Variants in CMSS1 observed in about 807,000 individuals in gnomAD.
CMSS1 encodes the protein protein CMSS1.
A neutral mutation model predicts 43.5 loss-of-function variants in CMSS1; 33 were observed. The ratio of observed to expected loss-of-function variants is 0.76; its 90% CI spans 0.57 to 1.01. The LOEUF (loss-of-function observed/expected upper bound fraction) is 1.01. CMSS1 is among the 50% of genes least tolerant of loss of function. CMSS1 has a pLI of 0.00. For synonymous variants in CMSS1, 115 were observed against 117.2 expected (o/e 0.98, Z 0.12); for missense variants, 313 against 326.4 (o/e 0.96, Z 0.32).
At chr3:100,117,856 T>C (rs13085023) in intron 1 of CMSS1, among the ~76,000 whole-genome samples, 2,041 of 56,846 alleles carry the variant, frequency 0.036, 111 homozygotes, top group Admixed American at 0.069. Context: ...TATATATACA[T>C]ATATATATAT....
At chr3:99,926,916 C>T (rs1193376784) in intron 1 of CMSS1, among the ~76,000 whole-genome samples, 1 of 152,196 alleles carries the variant, frequency 6.6e-6, no homozygotes, top group Non-Finnish European at 1.5e-5. Flanking sequence ...CTCCCTTCCT[C>T]TAGCCTTACC....
At chr3:99,886,443 A>G (rs1283441294) in intron 1 of CMSS1, among the ~76,000 whole-genome samples, 2 of 152,018 alleles carry the variant, frequency 1.3e-5, no homozygotes, top group African/African-American at 2.4e-5. Flanking sequence ...AAAAAATCTC[A>G]TGTTTTAAGA....
At chr3:99,823,543 T>G (rs955649214) in intron 1 of CMSS1, among the ~76,000 whole-genome samples, 3 of 152,234 alleles carry the variant, frequency 2.0e-5, no homozygotes, top group Admixed American at 6.5e-5. Flanking sequence ...TGATTCTTTC[T>G]TTGCATTTTT....
chr3:100,060,047 A>C, intron 1 of CMSS1, among the ~76,000 whole-genome samples: 1 of 136,130 alleles, frequency 7.3e-6, no homozygotes, highest in Non-Finnish European at 1.6e-5. Flanking sequence ...GGTTGGGGAA[A>C]TGGGGGCGGG....
intron 1 of CMSS1, among the ~76,000 whole-genome samples, chr3:99,883,901 T>C (rs536234036): frequency 9.4e-4 from 143 of 152,308 alleles, no homozygotes; most frequent in African/African-American, 3.2e-3. Flanking sequence ...GCACCAGAGT[T>C]TGAACTGCAT....
chr3:99,840,624 G>T (rs986910981), intron 1 of CMSS1, among the ~76,000 whole-genome samples: 1 of 152,144 alleles, frequency 6.6e-6, no homozygotes, highest in Non-Finnish European at 1.5e-5. Context: ...ACTCATGCAG[G>T]TTGTTGGCTT....
intron 1 of CMSS1, among the ~76,000 whole-genome samples, chr3:100,062,417 G>A (rs1166547026): frequency 6.6e-6 from 1 of 151,986 alleles, no homozygotes; most frequent in East Asian, 1.9e-4. Flanking sequence ...GGTCTATCCT[G>A]TCTTCTTTTA....
At chr3:100,048,002 C>A (rs1297267242) in intron 1 of CMSS1, among the ~76,000 whole-genome samples, 1 of 152,150 alleles carries the variant, frequency 6.6e-6, no homozygotes, top group East Asian at 1.9e-4. Context: ...CTAAGAAACA[C>A]TGGGCCATAG....
At chr3:100,006,623 A>T (rs1177046928) in intron 1 of CMSS1, among the ~76,000 whole-genome samples, 2 of 151,852 alleles carry the variant, frequency 1.3e-5, no homozygotes, top group Non-Finnish European at 2.9e-5. Context: ...AATGATGAGA[A>T]TTCAGCTCAT....
intron 1 of CMSS1, among the ~76,000 whole-genome samples, chr3:99,950,854 A>T (rs1168130963): frequency 6.7e-6 from 1 of 150,310 alleles, no homozygotes; most frequent in African/African-American, 2.5e-5. Flanking sequence ...GAGTAAAAAT[A>T]AAGAGAGAGA....
At chr3:100,168,509 CA>C (rs1471872019) in intron 6 of CMSS1, among the ~76,000 whole-genome samples, 1 of 152,062 alleles carries the variant, frequency 6.6e-6, no homozygotes, top group East Asian at 1.9e-4. Flanking sequence ...GCCTGGGCAA[CA>C]TAATAAGACC....
intron 1 of CMSS1, among the ~76,000 whole-genome samples, chr3:99,967,926 C>T (rs151046884): frequency 3.2e-4 from 48 of 152,256 alleles, no homozygotes; most frequent in Non-Finnish European, 5.3e-4. Context: ...ATAAGTGCAA[C>T]GGTATGTGGG....
intron 1 of CMSS1, among the ~76,000 whole-genome samples, chr3:99,858,614 T>C (rs1944090959): frequency 6.6e-6 from 1 of 152,254 alleles, no homozygotes; most frequent in African/African-American, 2.4e-5. Context: ...GCAACTAATG[T>C]CTGGCTTAAT....
chr3:99,876,396 G>GGCCGGGGC (rs759054608), intron 1 of CMSS1, among the ~76,000 whole-genome samples: 14 of 152,184 alleles, frequency 9.2e-5, no homozygotes, highest in Non-Finnish European at 1.8e-4. Context: ...TGGGCCGGTG[G>GGCCGGGGC]GCCGGGGCGC....
At chr3:99,991,417 T>A (rs1439167257) in intron 1 of CMSS1, among the ~76,000 whole-genome samples, 4 of 152,158 alleles carry the variant, frequency 2.6e-5, no homozygotes, top group Non-Finnish European at 5.9e-5. Context: ...ATGAAGTGAT[T>A]TTATAATTTT....
At chr3:100,011,310 A>G (rs1337212686) in intron 1 of CMSS1, among the ~76,000 whole-genome samples, 2 of 152,108 alleles carry the variant, frequency 1.3e-5, no homozygotes, top group African/African-American at 4.8e-5. Context: ...TCTATTGAGT[A>G]TCAAGCAACC....
intron 2 of CMSS1, among the ~76,000 whole-genome samples, chr3:100,150,162 C>A (rs2066893055): frequency 6.6e-6 from 1 of 152,170 alleles, no homozygotes; most frequent in African/African-American, 2.4e-5. Context: ...TCTGTCCTTT[C>A]AGGAGTCCTT....
At chr3:100,176,055 G>A (rs2067145789) in intron 8 of CMSS1, among the ~76,000 whole-genome samples, 1 of 152,164 alleles carries the variant, frequency 6.6e-6, no homozygotes, top group South Asian at 2.1e-4. Context: ...TCATGAAATG[G>A]ATGCCTGGCC....
intron 3 of CMSS1, 130 bp downstream of exon 3, chr3:100,160,631 G>A (rs1439952197): frequency 5.1e-6 from 3 of 583,058 alleles, no homozygotes; most frequent in South Asian, 4.1e-5. Flanking sequence ...GATTCTTTGA[G>A]GTTTGGTGAC....
Sources: gnomAD v4.1 joint callset for allele counts (sites outside exome capture counted in the v4.1 genomes callset) on GRCh38, gnomAD v4.1.1 for gene constraint, MANE v1.5 for transcripts, NCBI Gene and HGNC (gene_info 2026-07-23, HGNC 2026-07-21) for gene names.